The following BDP1 variants were observed in gnomAD, a reference collection of about 807,000 sequenced individuals.
BDP1 encodes the protein transcription factor TFIIIB component B'' homolog.
Under a neutral mutation model 266.6 loss-of-function variants are expected in BDP1, and 169 were observed. That is an observed-to-expected ratio of 0.63 (90% confidence interval 0.56 to 0.72). The LOEUF is 0.72. Ranked by LOEUF, BDP1 falls within the 30% of genes least tolerant of loss-of-function variation. The pLI is 0.00. For missense variants in BDP1, 3,015 were observed against 3,053.8 expected (o/e 0.99, Z 0.30); for synonymous variants, 1,090 against 1,022.4 (o/e 1.07, Z -1.26).
intron 3 of BDP1, among the ~76,000 whole-genome samples, chr5:71,463,734 G>A (rs2150351498): frequency 6.6e-6 from 1 of 152,010 alleles, no homozygotes; most frequent in Non-Finnish European, 1.5e-5. Context: ...AGGCTGAGGT[G>A]GGAGGATTGC....
chr5:71,517,600 A>C (rs1449518691), intron 22 of BDP1, 148 bp downstream of exon 22: 2 of 644,642 alleles, frequency 3.1e-6, no homozygotes, highest in African/African-American at 1.9e-5. Flanking sequence ...GAGTCTTTTA[A>C]ATCTGCTTCT....
chr5:71,549,424 T>C lies in BDP1; in HGVS notation c.6813T>C (p.Asn2271=), dbSNP rs1303488628. 2 of 1,609,440 alleles carry C rather than the reference T, an allele frequency of 1.2e-6. No homozygotes were observed. The highest frequency in any genetic ancestry group is 2.2e-5 in the South Asian group (2 of 89,890). The change falls in exon 34 of 39, where the codon AAT becomes AAC. Residue 2271 remains asparagine (N), a synonymous_variant. Transcript: ENST00000358731. ...NIINPQDLTV[N]LVANVPQDGE... ...CTAACTTTTAAACTTTGATAGTGAATCTAGTTGCTAATGTACCTCAAGATG... is the reference window on the plus strand; with the variant it reads ...CTAACTTTTAAACTTTGATAGTGAACCTAGTTGCTAATGTACCTCAAGATG...
intron 36 of BDP1, among the ~76,000 whole-genome samples, chr5:71,558,070 A>G (rs1743353577): frequency 6.6e-6 from 1 of 152,136 alleles, no homozygotes; most frequent in South Asian, 2.1e-4. Flanking sequence ...TTCTTTTATG[A>G]CATTATTTCT....
intron 34 of BDP1, among the ~76,000 whole-genome samples, chr5:71,552,552 C>T (rs1209220734): frequency 1.3e-5 from 2 of 152,266 alleles, no homozygotes; most frequent in Non-Finnish European, 2.9e-5. Context: ...GTGAACAAGA[C>T]TCCGTCTGCA....
At chr5:71,571,924 T>C (rs372823523), downstream of BDP1, among the ~76,000 whole-genome samples, 15 of 152,270 alleles carry the variant, frequency 9.9e-5, 1 homozygote, top group African/African-American at 3.6e-4. Context: ...GCCAAAGGGA[T>C]TGTGACCAAC....
At chr5:71,543,614 A>G (rs1767102082) in intron 30 of BDP1, among the ~76,000 whole-genome samples, 1 of 152,212 alleles carries the variant, frequency 6.6e-6, no homozygotes, top group Non-Finnish European at 1.5e-5. Flanking sequence ...ATTATAAGGA[A>G]GAGAAAATAC....
chr5:71,496,438 A>ATTTT (rs10682137), intron 12 of BDP1, among the ~76,000 whole-genome samples: 53,329 of 138,196 alleles, frequency 0.39, 10,907 homozygotes, highest in South Asian at 0.46. Context: ...ACATTTATGA[A>ATTTT]TTTTTTTTTT....
chr5:71,527,147 C>T lies in BDP1; in HGVS notation c.5772+2824C>T, dbSNP rs796653078. Reference sequence around the variant, plus strand: ...TGTTGCACAGTCTGGTCTCAAACTCCTGAGCTCAGGCAATCCTCCTGCCTC... The same window carrying T: ...TGTTGCACAGTCTGGTCTCAAACTCTTGAGCTCAGGCAATCCTCCTGCCTC... On this transcript the variant is annotated intron_variant, in intron 25 of 38. Coordinates refer to ENST00000358731, the MANE Select transcript of BDP1 (RefSeq NM_018429.3). Among the ~76,000 whole-genome samples the T allele has an allele frequency of 4.6e-4, 69 of 149,874 alleles. 1 individual carries two copies. The highest frequency in any genetic ancestry group is 1.7e-3 in the African/African-American group (68 of 40,614).
At chr5:71,574,504 T>G in the BDP1 span, among the ~76,000 whole-genome samples, 2 of 151,856 alleles carry the variant, frequency 1.3e-5, no homozygotes, top group Non-Finnish European at 2.9e-5. Context: ...AATATAGGAT[T>G]AGATCTACCC....
intron 16 of BDP1, among the ~76,000 whole-genome samples, chr5:71,506,800 CA>C (rs2150458869): frequency 7.4e-6 from 1 of 134,514 alleles, no homozygotes; most frequent in South Asian, 2.6e-4. Context: ...CACACACACA[CA>C]CACACACACA....
At chr5:71,549,190 A>G (rs1742565260) in intron 33 of BDP1, among the ~76,000 whole-genome samples, 2 of 152,248 alleles carry the variant, frequency 1.3e-5, no homozygotes, top group South Asian at 4.1e-4. Flanking sequence ...GTGAGCCGAG[A>G]TTGTGCCACT....
At chr5:71,523,100 A>G in intron 24 of BDP1, 151 bp downstream of exon 24, 3 of 530,988 alleles carry the variant, frequency 5.6e-6, no homozygotes, top group Non-Finnish European at 9.9e-6. Flanking sequence ...TGTATTAGCT[A>G]AGTAATTAAG....
At chr5:71,491,278 T>C (rs1248019637) in intron 11 of BDP1, 147 bp downstream of exon 11, 1 of 725,900 alleles carries the variant, frequency 1.4e-6, no homozygotes, top group Non-Finnish European at 2.2e-6. Context: ...AGCTCTGTTG[T>C]TAGGTGTGTA....
At chr5:71,558,552 G>A (rs539431932) in intron 36 of BDP1, among the ~76,000 whole-genome samples, 11 of 151,500 alleles carry the variant, frequency 7.3e-5, no homozygotes, top group African/African-American at 2.7e-4. Flanking sequence ...TTGACTGGGC[G>A]TGGTGGCTCA....
chr5:71,551,189 A>G (rs922576072), intron 34 of BDP1, among the ~76,000 whole-genome samples: 1 of 151,976 alleles, frequency 6.6e-6, no homozygotes, highest in South Asian at 2.1e-4. Context: ...ATAGGACAAT[A>G]GTGGAGGGAA....
At chr5:71,485,304 G>A (rs1356970122) in intron 8 of BDP1, among the ~76,000 whole-genome samples, 1 of 152,076 alleles carries the variant, frequency 6.6e-6, no homozygotes, top group African/African-American at 2.4e-5. Context: ...ACAACTCATT[G>A]ATTTGGAGGC....
intron 7 of BDP1, among the ~76,000 whole-genome samples, chr5:71,479,975 C>T (rs62374360): frequency 0.44 from 67,464 of 151,624 alleles, 15,388 homozygotes; most frequent in South Asian, 0.55. Context: ...GACAGAGTCT[C>T]GCTATGTCAC....
intron 20 of BDP1, 41 bp from the exon 21 acceptor site, chr5:71,516,020 A>T: frequency 6.9e-7 from 1 of 1,438,998 alleles, no homozygotes; most frequent in Non-Finnish European, 9.5e-7. Context: ...TCAGCTTTTT[A>T]CAGTCAAGCG....
intron 36 of BDP1, among the ~76,000 whole-genome samples, chr5:71,559,747 G>A (rs1743494670): frequency 6.6e-6 from 1 of 152,056 alleles, no homozygotes; most frequent in Non-Finnish European, 1.5e-5. Flanking sequence ...ATATTTTCTA[G>A]GCCAAAATAT....
Sources: gnomAD v4.1 joint callset for allele counts (sites outside exome capture counted in the v4.1 genomes callset) on GRCh38, gnomAD v4.1.1 for gene constraint, MANE v1.5 for transcripts, NCBI Gene and HGNC (gene_info 2026-07-23, HGNC 2026-07-21) for gene names.